The following NOX4 variants were observed in gnomAD, a reference collection of about 807,000 sequenced individuals.
The protein encoded by NOX4 is NADPH oxidase 4, also known as kidney oxidase-1.
In NOX4, 69 loss-of-function variants were observed where a neutral mutation model predicts 87.6. The ratio of observed to expected loss-of-function variants is 0.79; its 90% confidence interval spans 0.65 to 0.96. The LOEUF (loss-of-function observed/expected upper bound fraction) is 0.96. NOX4 is among the 40% of genes least tolerant of loss of function. The pLI, the probability that NOX4 is intolerant of heterozygous loss-of-function variation, is 0.00. For missense variants in NOX4, 680 were observed against 681.5 expected, an observed-to-expected ratio of 1.00 and a Z score of 0.02; for synonymous variants, 275 against 238.2, an observed-to-expected ratio of 1.15 and a Z score of -1.42.
In NOX4 at chr11:89,360,026, C is replaced by A. The variant is rs1938399521; in HGVS notation, c.1136-4983G>T. Among the ~76,000 whole-genome samples, 6 of 151,992 alleles carry A rather than the reference C, an allele frequency of 3.9e-5. No individual in the cohort carries two copies. In the South Asian group the frequency reaches 1.2e-3, roughly 32 times the overall value. On this transcript the variant is annotated intron_variant, in intron 12 of 17. Transcript: ENST00000263317. Reference sequence around the variant, plus strand: ...TTAAAGATTAAGACTCTATTAAAGTCTTTACCTTAGTTTTAAGAACACCTA... The same window carrying A: ...TTAAAGATTAAGACTCTATTAAAGTATTTACCTTAGTTTTAAGAACACCTA...
At position 89,325,477 on chromosome 11, in the gene NOX4, A is replaced by T. The variant is rs1945186903; in HGVS notation, c.*1279T>A. ...GAGCCAAGAATATGATAGCCAGGGA[A>T]CATAAGTTTATAAGATCACACAGTG... On this transcript the variant is annotated 3_prime_UTR_variant, in exon 18 of 18. Transcript: ENST00000263317. The T allele has an allele frequency of 6.6e-6, 1 of 152,136 alleles. No individual in the cohort carries two copies. Among genetic ancestry groups the T allele is most frequent in the Non-Finnish European group, 1.5e-5 (1 of 68,026 alleles). 9.4% of individuals were successfully genotyped at this position (152,136 alleles called of 1,614,324 possible). A position where few individuals can be genotyped will look rare whatever the true frequency, so the allele number is the denominator to read the frequency against.
the NOX4 span, among the ~76,000 whole-genome samples, chr11:89,547,086 T>A: frequency 3.3e-5 from 5 of 152,130 alleles, no homozygotes; most frequent in African/African-American, 1.2e-4. Context: ...TGTTCAACAT[T>A]ATTGTCATTT....
intron 2 of NOX4, among the ~76,000 whole-genome samples, chr11:89,487,440 G>GCCTGTAA (rs58225113): frequency 6.6e-6 from 1 of 151,400 alleles, no homozygotes; most frequent in Non-Finnish European, 1.5e-5. Flanking sequence ...GGTCCTTCCT[G>GCCTGTAA]TACTAGTACA....
At chr11:89,341,838 A>T (rs1194179561) in intron 14 of NOX4, among the ~76,000 whole-genome samples, 1 of 152,190 alleles carries the variant, frequency 6.6e-6, no homozygotes, top group Non-Finnish European at 1.5e-5. Flanking sequence ...TAACAGAGGA[A>T]AAGGACAGAG....
At chr11:89,556,905 T>G in the NOX4 span, 1 of 152,082 alleles carries the variant, frequency 6.6e-6, no homozygotes, top group Non-Finnish European at 1.5e-5. Context: ...GCAACAATGG[T>G]CTGGGCAGAA....
chr11:89,575,757 T>C, the NOX4 span, among the ~76,000 whole-genome samples: 1 of 152,108 alleles, frequency 6.6e-6, no homozygotes, highest in African/African-American at 2.4e-5. Flanking sequence ...TCCTCCTTCT[T>C]CTTTCTTCTA....
In NOX4 at chr11:89,324,693, G is replaced by T. The variant is rs190560927; in HGVS notation, c.*2063C>A. On this transcript the variant is annotated 3_prime_UTR_variant, in exon 18 of 18. Transcript: ENST00000263317. ...GAGTCAGTATTGCACATTAAGCCTGGACTAACTCAAAGTGTCTTTTTACTA... is the reference window on the plus strand; with the variant it reads ...GAGTCAGTATTGCACATTAAGCCTGTACTAACTCAAAGTGTCTTTTTACTA... 1.3e-5 allele frequency: 2 copies of T among 152,224 alleles called. No individual in the cohort carries two copies. The highest frequency in any genetic ancestry group is 1.3e-4 in the Admixed American group (2 of 15,286). The allele number at this position is 152,224 out of a possible 1,614,324, so 9.4% of individuals were successfully genotyped here.
chr11:89,492,554 A>T (rs1440648903), upstream of NOX4, among the ~76,000 whole-genome samples: 1 of 152,240 alleles, frequency 6.6e-6, no homozygotes, highest in Non-Finnish European at 1.5e-5. Context: ...ATCAAAATGA[A>T]TTCATATCAA....
chr11:89,441,968 T>TAATCAATATATAAATATTG (rs1944475181), intron 5 of NOX4, among the ~76,000 whole-genome samples: 5 of 146,978 alleles, frequency 3.4e-5, no homozygotes, highest in Admixed American at 2.7e-4. Context: ...TATATATATA[T>TAATCAATATATAAATATTG]ATAATCAATA....
the NOX4 span, among the ~76,000 whole-genome samples, chr11:89,531,895 T>C: frequency 6.6e-6 from 1 of 152,284 alleles, no homozygotes; most frequent in African/African-American, 2.4e-5. Flanking sequence ...GCTCCAACCA[T>C]GGCTAAAAGG....
the NOX4 span, among the ~76,000 whole-genome samples, chr11:89,575,620 A>G: frequency 6.6e-6 from 1 of 152,102 alleles, no homozygotes; most frequent in African/African-American, 2.4e-5. Flanking sequence ...CACTCACTCC[A>G]TCAATAAAAT....
chr11:89,379,625 C>T (rs545793717), intron 11 of NOX4, among the ~76,000 whole-genome samples: 2 of 152,232 alleles, frequency 1.3e-5, no homozygotes, highest in Admixed American at 1.3e-4. Flanking sequence ...TGGAGTTGCA[C>T]AAATTTCCAT....
At chr11:89,466,213 T>G (rs1462077859) in intron 2 of NOX4, among the ~76,000 whole-genome samples, 1 of 152,186 alleles carries the variant, frequency 6.6e-6, no homozygotes, top group African/African-American at 2.4e-5. Context: ...AAGACAATCC[T>G]ATAGAAAAAT....
intron 4 of NOX4, among the ~76,000 whole-genome samples, chr11:89,446,780 A>G (rs1944728404): frequency 6.6e-6 from 1 of 152,206 alleles, no homozygotes; most frequent in Admixed American, 6.6e-5. Context: ...TCTGCATGGT[A>G]CAGTAATGGT....
At chr11:89,474,032 C>T (rs10765206) in intron 2 of NOX4, among the ~76,000 whole-genome samples, 17,122 of 152,068 alleles carry the variant, frequency 0.11, 1,174 homozygotes, top group South Asian at 0.21. Context: ...TCACAGAGTT[C>T]AATTGGCCAA....
intron 15 of NOX4, among the ~76,000 whole-genome samples, chr11:89,339,325 GAC>G (rs1161497077): frequency 6.6e-6 from 1 of 152,014 alleles, no homozygotes; most frequent in Non-Finnish European, 1.5e-5. Flanking sequence ...AAATAGTCAA[GAC>G]ACAGTAATCA....
chr11:89,340,167 C>A lies in NOX4; in HGVS notation c.1342G>T (p.Asp448Tyr). ...FASILNTLLD[D>Y]WKPYKLRRLY... is the part of the protein sequence containing the mutation. ...CTTCTAAGCTTGTATGGTTTCCAGTCATCCCTTTAAAATGAAAATAACATG... is the reference window on the plus strand; with the variant it reads ...CTTCTAAGCTTGTATGGTTTCCAGTAATCCCTTTAAAATGAAAATAACATG... The change falls in exon 15 of 18, where the codon GAC becomes TAC. Residue 448 changes from aspartate (D) to tyrosine (Y), a missense_variant. Asp to Tyr is a radical substitution (Grantham distance 160). Transcript: ENST00000263317. The A allele has an allele frequency of 1.9e-6, 3 of 1,580,728 alleles. No individual in the cohort carries two copies. Among genetic ancestry groups the A allele is most frequent in the Non-Finnish European group, 2.6e-6 (3 of 1,158,830 alleles).
chr11:89,537,602 T>C, the NOX4 span, among the ~76,000 whole-genome samples: 6 of 152,192 alleles, frequency 3.9e-5, no homozygotes, highest in African/African-American at 1.2e-4. Flanking sequence ...AAGCAAAGCA[T>C]AGACACTCAG....
the NOX4 span, among the ~76,000 whole-genome samples, chr11:89,576,027 G>A: frequency 6.6e-6 from 1 of 152,160 alleles, no homozygotes; most frequent in Non-Finnish European, 1.5e-5. Flanking sequence ...GGCCACAACT[G>A]TTTGTCCAGT....
Sources: gnomAD v4.1 joint callset for allele counts (sites outside exome capture counted in the v4.1 genomes callset) on GRCh38, gnomAD v4.1.1 for gene constraint, MANE v1.5 for transcripts, NCBI Gene and HGNC (gene_info 2026-07-23, HGNC 2026-07-21) for gene names.